SORCS3: variants seen among roughly 807,000 people sequenced by gnomAD.
SORCS3 encodes VPS10 domain-containing receptor SorCS3.
A neutral mutation model predicts 146.3 loss-of-function variants in SORCS3; 57 were observed. That is an observed-to-expected ratio of 0.39 (90% CI 0.31 to 0.49). SORCS3 has a LOEUF of 0.49. Among genes scored for constraint, SORCS3 ranks in the 20% least tolerant of loss-of-function variants. The probability of loss-of-function intolerance (pLI) is 0.92; values close to 1 mark genes in which losing one functional copy is unlikely to be tolerated. For missense variants in SORCS3, 1,341 were observed against 1,575.5 expected (o/e 0.85, Z 2.52); for synonymous variants, 653 against 618.5 (o/e 1.06, Z -0.83).
chr10:105,249,243 A>G (rs1208776578), intron 22 of SORCS3, among the ~76,000 whole-genome samples: 1 of 152,214 alleles, frequency 6.6e-6, no homozygotes, highest in African/African-American at 2.4e-5. Flanking sequence ...TTGACTTTTA[A>G]TGTAAGTCTG....
intron 2 of SORCS3, among the ~76,000 whole-genome samples, chr10:104,856,690 T>C (rs2018338029): frequency 6.8e-6 from 1 of 146,292 alleles, no homozygotes; most frequent in African/African-American, 2.5e-5. Context: ...CAGTGGTCTC[T>C]CCCTTTCTAT....
chr10:104,848,706 A>G (rs1446057097), intron 2 of SORCS3, among the ~76,000 whole-genome samples: 1 of 152,192 alleles, frequency 6.6e-6, no homozygotes, highest in African/African-American at 2.4e-5. Context: ...GTGGTAATCA[A>G]TCTGGTGGAA....
intron 7 of SORCS3, among the ~76,000 whole-genome samples, chr10:105,117,987 A>G (rs1210053608): frequency 6.6e-6 from 1 of 151,988 alleles, no homozygotes; most frequent in African/African-American, 2.4e-5. Context: ...TCCAACACAG[A>G]TGCCTCTTCC....
At chr10:104,767,514 G>GT (rs1222625870) in intron 1 of SORCS3, among the ~76,000 whole-genome samples, 1 of 152,072 alleles carries the variant, frequency 6.6e-6, no homozygotes, top group Non-Finnish European at 1.5e-5. Flanking sequence ...GGTAAGTTAG[G>GT]TATCAGTACA....
intron 1 of SORCS3, among the ~76,000 whole-genome samples, chr10:104,790,651 TC>T (rs1370042276): frequency 1.3e-5 from 2 of 152,190 alleles, no homozygotes; most frequent in African/African-American, 4.8e-5. Context: ...ATGTTTTTTT[TC>T]CCCCTAAAAA....
At chr10:105,115,930 GAA>G (rs2055890813) in intron 7 of SORCS3, among the ~76,000 whole-genome samples, 1 of 152,160 alleles carries the variant, frequency 6.6e-6, no homozygotes, top group Non-Finnish European at 1.5e-5. Context: ...AAAGCAAAAT[GAA>G]AGAGTTACAG....
chr10:105,125,889 A>G (rs1466925738), intron 7 of SORCS3, among the ~76,000 whole-genome samples: 1 of 152,156 alleles, frequency 6.6e-6, no homozygotes, highest in Non-Finnish European at 1.5e-5. Flanking sequence ...AAGGTCCAGA[A>G]GCACTTAAAT....
chr10:105,061,485 C>G (rs2055486008), intron 5 of SORCS3, among the ~76,000 whole-genome samples: 1 of 151,682 alleles, frequency 6.6e-6, no homozygotes, highest in South Asian at 2.1e-4. Flanking sequence ...TTAGTAGAGA[C>G]AGGGTTTCAC....
At chr10:105,200,987 C>A in intron 15 of SORCS3, 133 bp from the exon 16 acceptor site, 4 of 934,606 alleles carry the variant, frequency 4.3e-6, no homozygotes, top group Non-Finnish European at 6.2e-6. Flanking sequence ...ACTCCTGGAT[C>A]ATTACTGAGA....
chr10:104,953,923 G>C (rs1287096359), intron 3 of SORCS3, among the ~76,000 whole-genome samples: 1 of 152,204 alleles, frequency 6.6e-6, no homozygotes, highest in African/African-American at 2.4e-5. Flanking sequence ...ATAGGACCCA[G>C]TGGGGACTCA....
intron 1 of SORCS3, among the ~76,000 whole-genome samples, chr10:104,689,706 T>A (rs2133421356): frequency 6.6e-6 from 1 of 152,350 alleles, no homozygotes; most frequent in Middle Eastern, 3.4e-3. Flanking sequence ...TGATAACATC[T>A]TGCAGGGCAG....
chr10:104,973,967 C>A (rs900474426), intron 3 of SORCS3, among the ~76,000 whole-genome samples: 7 of 152,114 alleles, frequency 4.6e-5, no homozygotes, highest in Non-Finnish European at 8.8e-5. Context: ...AGTAGTCATT[C>A]AGGAGCAGGT....
chr10:104,733,520 AT>A (rs34203788), intron 1 of SORCS3, among the ~76,000 whole-genome samples: 64,913 of 123,222 alleles, frequency 0.53, 16,469 homozygotes, highest in East Asian at 0.69. Context: ...CTGATGATTA[AT>A]TTTTTTTTTT....
intron 7 of SORCS3, among the ~76,000 whole-genome samples, chr10:105,113,883 G>A (rs921437088): frequency 2.6e-5 from 4 of 152,058 alleles, no homozygotes; most frequent in Non-Finnish European, 5.9e-5. Context: ...AAATGCCTCC[G>A]TTCCACTTGG....
chr10:105,157,031 G>T lies in SORCS3; in HGVS notation c.1483-107G>T. 1 of 1,298,256 alleles carries T rather than the reference G, an allele frequency of 7.7e-7. No homozygotes were observed. The highest frequency in any genetic ancestry group is 1.1e-6 in the Non-Finnish European group (1 of 931,794). The allele number at this position is 1,298,256 out of a possible 1,614,324, so 80.4% of individuals were successfully genotyped here. The stretch of plus-strand genomic sequence containing the variant: ...TATCATGTTCCTTCTTTTCTTGCTT[G>T]GAACCCCAACATGCCGTGGGAAATT... On this transcript the variant is annotated intron_variant, in intron 9 of 26. Coordinates refer to ENST00000369701, the MANE Select transcript of SORCS3 (RefSeq NM_014978.3).
chr10:104,664,954 A>C (rs956545709), intron 1 of SORCS3: 4 of 152,712 alleles, frequency 2.6e-5, no homozygotes, highest in Admixed American at 2.6e-4. Flanking sequence ...GGGGTGGAGG[A>C]CATTCCTGGT....
intron 4 of SORCS3, among the ~76,000 whole-genome samples, chr10:105,009,545 A>C (rs921713808): frequency 6.1e-5 from 9 of 147,854 alleles, no homozygotes; most frequent in Middle Eastern, 7.2e-3. Flanking sequence ...AAAAAAAAAA[A>C]AAAAAACCCC....
At chr10:104,967,903 G>T (rs928497527) in intron 3 of SORCS3, among the ~76,000 whole-genome samples, 1 of 151,338 alleles carries the variant, frequency 6.6e-6, no homozygotes, top group African/African-American at 2.4e-5. Context: ...CAAACAATCT[G>T]CCCACCTCAG....
intron 1 of SORCS3, among the ~76,000 whole-genome samples, chr10:104,706,201 C>CT (rs1162969172): frequency 0.051 from 4,380 of 85,600 alleles, 313 homozygotes; most frequent in Non-Finnish European, 0.058. Context: ...TTTTCTTCTT[C>CT]TTTTTTTTTT....
Sources: gnomAD v4.1 joint callset for allele counts (sites outside exome capture counted in the v4.1 genomes callset) on GRCh38, gnomAD v4.1.1 for gene constraint, MANE v1.5 for transcripts, NCBI Gene and HGNC (gene_info 2026-07-23, HGNC 2026-07-21) for gene names.